The following GUCY1A1 variants were observed in gnomAD, a reference collection of about 807,000 sequenced individuals.
GUCY1A1 encodes the protein guanylate cyclase soluble subunit alpha-1.
Under a neutral mutation model 64.5 loss-of-function variants are expected in GUCY1A1, and 48 were observed. That is an observed-to-expected ratio of 0.74 (90% CI 0.59 to 0.95). The LOEUF (loss-of-function observed/expected upper bound fraction) is 0.95. GUCY1A1 is among the 40% of genes least tolerant of loss of function. GUCY1A1 has a pLI of 0.00. For missense variants in GUCY1A1, 804 were observed against 825.3 expected (o/e 0.97, Z 0.32); for synonymous variants, 308 against 303.4 (o/e 1.02, Z -0.16).
At chr4:155,702,762 A>G (rs1731256769) in intron 3 of GUCY1A1, among the ~76,000 whole-genome samples, 1 of 151,894 alleles carries the variant, frequency 6.6e-6, no homozygotes, top group Admixed American at 6.6e-5. Flanking sequence ...TATATTTAAA[A>G]CTAAAAGCCC....
At chr4:155,698,782 A>C (rs1730729864) in intron 3 of GUCY1A1, among the ~76,000 whole-genome samples, 1 of 152,134 alleles carries the variant, frequency 6.6e-6, no homozygotes, top group Non-Finnish European at 1.5e-5. Context: ...TTCTGACTGA[A>C]TAACTTCAAA....
chr4:155,678,540 A>C (rs1735271689), intron 2 of GUCY1A1, among the ~76,000 whole-genome samples: 1 of 152,234 alleles, frequency 6.6e-6, no homozygotes, highest in African/African-American at 2.4e-5. Context: ...TCACTGTTCT[A>C]CAGATGAAAA....
intron 1 of GUCY1A1, 30 bp from the exon 2 acceptor site, chr4:155,667,316 C>G (rs1733445015): frequency 6.6e-6 from 1 of 152,594 alleles, no homozygotes. Flanking sequence ...CCTGCCACCC[C>G]TGACGCCTGC....
chr4:155,730,150 A>G lies in GUCY1A1; in HGVS notation c.1992A>G (p.Thr664=), dbSNP rs1735366813. 1 of 1,611,880 alleles carries G rather than the reference A, an allele frequency of 6.2e-7. No homozygotes were observed. Among genetic ancestry groups the G allele is most frequent in the Non-Finnish European group, 8.5e-7 (1 of 1,178,498 alleles). The change falls in exon 10 of 10, where the codon ACA becomes ACG. Residue 664 remains threonine (T), a synonymous_variant. Coordinates refer to ENST00000506455, the MANE Select transcript of GUCY1A1 (RefSeq NM_001130682.3). ...TTCTGGATGCTTACCAACAAGGAACAAACTCAAAACCATGCTTCCAAAAGA... is the reference window on the plus strand; with the variant it reads ...TTCTGGATGCTTACCAACAAGGAACGAACTCAAAACCATGCTTCCAAAAGA... ...CHFLDAYQQG[T]NSKPCFQKKD... is the part of the protein sequence containing the mutation.
chr4:155,708,541 A>G (rs1255087167), intron 5 of GUCY1A1, among the ~76,000 whole-genome samples: 1 of 152,146 alleles, frequency 6.6e-6, no homozygotes, highest in Non-Finnish European at 1.5e-5. Context: ...TCTCACAGAT[A>G]TTCACAGGCT....
chr4:155,691,461 G>A (rs1420096631), intron 2 of GUCY1A1, among the ~76,000 whole-genome samples: 1 of 152,124 alleles, frequency 6.6e-6, no homozygotes, highest in Non-Finnish European at 1.5e-5. Context: ...TTTGAGTAAG[G>A]AAAACTTTCT....
intron 5 of GUCY1A1, among the ~76,000 whole-genome samples, 187 bp from the exon 6 acceptor site, chr4:155,710,355 C>T (rs1303279479): frequency 1.3e-5 from 2 of 152,072 alleles, no homozygotes; most frequent in Non-Finnish European, 2.9e-5. Flanking sequence ...TCTTCAGTTA[C>T]TAGAATTTTA....
Position 155,732,585 on chromosome 4 carries a change from G to A in GUCY1A1, c.*2354G>A, listed in dbSNP as rs375581956. On this transcript the variant is annotated 3_prime_UTR_variant, in exon 10 of 10. Transcript: ENST00000506455. Reference sequence around the variant, plus strand: ...AGAAACTTTTCAGATCCAGACCACTGATGGTAGCCAGAGTAGAGACCCTGG... The same window carrying A: ...AGAAACTTTTCAGATCCAGACCACTAATGGTAGCCAGAGTAGAGACCCTGG... Among the ~76,000 whole-genome samples the A allele has an allele frequency of 7.2e-5, 11 of 151,900 alleles. No homozygotes were observed. The highest frequency in any genetic ancestry group is 2.4e-4 in the African/African-American group (10 of 41,410).
chr4:155,698,088 C>T (rs921717234), intron 3 of GUCY1A1, among the ~76,000 whole-genome samples: 1 of 152,178 alleles, frequency 6.6e-6, no homozygotes, highest in Non-Finnish European at 1.5e-5. Context: ...AGGAATTTAA[C>T]AGATAATCTT....
intron 5 of GUCY1A1, among the ~76,000 whole-genome samples, chr4:155,709,191 C>T (rs201765358): frequency 0.038 from 506 of 13,322 alleles, 2 homozygotes; most frequent in African/African-American, 0.057. Context: ...CAACTCAAAA[C>T]GGTCGTCCTG....
intron 2 of GUCY1A1, among the ~76,000 whole-genome samples, chr4:155,688,801 A>T (rs1026750258): frequency 2.0e-5 from 3 of 152,110 alleles, no homozygotes; most frequent in Non-Finnish European, 4.4e-5. Context: ...AAAAAAACAA[A>T]ACAAAACAAA....
At chr4:155,684,543 T>C (rs555218611) in intron 2 of GUCY1A1, among the ~76,000 whole-genome samples, 2 of 152,274 alleles carry the variant, frequency 1.3e-5, no homozygotes, top group South Asian at 4.2e-4. Context: ...CAATTACTAA[T>C]ACCTTAGTAG....
At chr4:155,678,145 T>C (rs910459776) in intron 2 of GUCY1A1, among the ~76,000 whole-genome samples, 8 of 152,226 alleles carry the variant, frequency 5.3e-5, no homozygotes, top group Middle Eastern at 3.4e-3. Context: ...CCTACTAATT[T>C]AGAAAATTCT....
intron 4 of GUCY1A1, among the ~76,000 whole-genome samples, chr4:155,707,815 A>G (rs911502695): frequency 9.1e-5 from 13 of 142,652 alleles, no homozygotes; most frequent in Non-Finnish European, 1.8e-4. Context: ...GGGAATTTAA[A>G]CTATTTTCTT....
chr4:155,703,170 A>G (rs936602430), intron 3 of GUCY1A1, among the ~76,000 whole-genome samples: 14 of 152,162 alleles, frequency 9.2e-5, no homozygotes, highest in African/African-American at 3.4e-4. Context: ...TATTAAGTAT[A>G]AAAGCTTACA....
At chr4:155,690,819 T>C (rs542275470) in intron 2 of GUCY1A1, among the ~76,000 whole-genome samples, 1 of 152,306 alleles carries the variant, frequency 6.6e-6, no homozygotes, top group East Asian at 1.9e-4. Context: ...TCCTCCTGGA[T>C]TGTAAGTTCT....
At chr4:155,668,740 T>G (rs1430589708) in intron 2 of GUCY1A1, among the ~76,000 whole-genome samples, 1 of 152,152 alleles carries the variant, frequency 6.6e-6, no homozygotes, top group East Asian at 1.9e-4. Flanking sequence ...AAAAGTAAAC[T>G]CGTTATGATA....
At chr4:155,673,667 A>G (rs1734459648) in intron 2 of GUCY1A1, among the ~76,000 whole-genome samples, 1 of 151,094 alleles carries the variant, frequency 6.6e-6, no homozygotes, top group African/African-American at 2.5e-5. Context: ...GTGTGTGTGT[A>G]CCCTGTGTGT....
At chr4:155,715,208 C>T (rs1733072111) in intron 7 of GUCY1A1, among the ~76,000 whole-genome samples, 1 of 151,942 alleles carries the variant, frequency 6.6e-6, no homozygotes. Flanking sequence ...CTTGAGATTA[C>T]TTCGAGATAG....
Sources: gnomAD v4.1 joint callset for allele counts (sites outside exome capture counted in the v4.1 genomes callset) on GRCh38, gnomAD v4.1.1 for gene constraint, MANE v1.5 for transcripts, NCBI Gene and HGNC (gene_info 2026-07-23, HGNC 2026-07-21) for gene names.